Variants in ZNF804B observed in about 807,000 individuals in gnomAD.
ZNF804B encodes zinc finger protein 804B, also known as zinc finger 804B.
Under a neutral mutation model 101.4 loss-of-function variants are expected in ZNF804B, and 80 were observed. That is an observed-to-expected ratio of 0.79 (90% CI 0.66 to 0.95). The LOEUF (loss-of-function observed/expected upper bound fraction) is 0.95, where lower values mean the gene tolerates loss of function less well. Among genes scored for constraint, ZNF804B ranks in the 40% least tolerant of loss-of-function variants. The pLI, the probability that ZNF804B is intolerant of heterozygous loss-of-function variation, is 0.00. For synonymous variants in ZNF804B, 622 were observed against 558.8 expected (o/e 1.11, Z -1.59); for missense variants, 1,673 against 1,561.9 (o/e 1.07, Z -1.20).
At chr7:88,884,782 AT>A (rs1268703593) in intron 1 of ZNF804B, among the ~76,000 whole-genome samples, 3 of 151,898 alleles carry the variant, frequency 2.0e-5, no homozygotes, top group African/African-American at 7.2e-5. Flanking sequence ...TATGAGAAAA[AT>A]TTTTATAATG....
Position 88,760,056 on chromosome 7 carries a change from C to T in ZNF804B, c.80C>T (p.Pro27Leu). 6.2e-7 allele frequency: 1 copy of T among 1,614,158 alleles called. No homozygotes were observed. ...YRGIKGVFRG[P>L]LCKNGSPSPD... ...GGCATTAAAGGAGTCTTCAGGGGACCCCTGTGCAAGAACGGATCTCCCTCT... is the reference window on the plus strand; with the variant it reads ...GGCATTAAAGGAGTCTTCAGGGGACTCCTGTGCAAGAACGGATCTCCCTCT... The change falls in exon 1 of 4, where the codon CCC becomes CTC. Residue 27 changes from proline to leucine, a missense_variant. Transcript: ENST00000333190.
At position 89,111,108 on chromosome 7, in the gene ZNF804B, C is replaced by A. The variant is rs1404162793; in HGVS notation, c.109-107047C>A. On this transcript the variant is annotated intron_variant, in intron 1 of 3. Transcript: ENST00000333190. ...AATAATATTCTGTTGGCTGGATACA[C>A]CACAGTTTATCTCCAACCATTGAAG... 2.6e-5 allele frequency among the ~76,000 whole-genome samples: 4 copies of A among 152,090 alleles called. 1 individual carries two copies. Among genetic ancestry groups the A allele is most frequent in the Admixed American group, 6.6e-5 (1 of 15,252 alleles).
At chr7:89,076,486 C>A (rs1250551070) in intron 1 of ZNF804B, among the ~76,000 whole-genome samples, 2 of 152,118 alleles carry the variant, frequency 1.3e-5, no homozygotes, top group East Asian at 3.9e-4. Context: ...AATTGTAAAT[C>A]CATTAAACCT....
chr7:88,962,340 C>T (rs73399376), intron 1 of ZNF804B, among the ~76,000 whole-genome samples: 5,196 of 151,194 alleles, frequency 0.034, 116 homozygotes, highest in African/African-American at 0.059. Flanking sequence ...AGCCAGATGA[C>T]GATATGTAGT....
At chr7:89,031,349 T>C (rs953686357) in intron 1 of ZNF804B, among the ~76,000 whole-genome samples, 1 of 151,810 alleles carries the variant, frequency 6.6e-6, no homozygotes, top group African/African-American at 2.4e-5. Context: ...GCACAATATT[T>C]CATTATGGCA....
intron 1 of ZNF804B, among the ~76,000 whole-genome samples, chr7:88,953,119 A>G (rs1793249961): frequency 6.6e-6 from 1 of 151,568 alleles, no homozygotes; most frequent in Non-Finnish European, 1.5e-5. Flanking sequence ...TATTTCCTTT[A>G]TGTTTGTTCT....
chr7:89,301,222 G>A (rs771687847), intron 2 of ZNF804B, among the ~76,000 whole-genome samples: 72 of 146,210 alleles, frequency 4.9e-4, no homozygotes, highest in Middle Eastern at 3.9e-3. Context: ...ACAGCTTTTC[G>A]TCTTATTTTT....
intron 2 of ZNF804B, among the ~76,000 whole-genome samples, chr7:89,294,837 G>A (rs1039589484): frequency 6.6e-6 from 1 of 151,598 alleles, no homozygotes; most frequent in Non-Finnish European, 1.5e-5. Flanking sequence ...TCTGACATTC[G>A]GTTCTATCTA....
At chr7:88,873,129 C>T (rs1483977869) in intron 1 of ZNF804B, among the ~76,000 whole-genome samples, 1 of 152,080 alleles carries the variant, frequency 6.6e-6, no homozygotes, top group Non-Finnish European at 1.5e-5. Flanking sequence ...TCTCCAGCAC[C>T]TGTTGTTTCC....
intron 1 of ZNF804B, among the ~76,000 whole-genome samples, chr7:88,813,308 T>C (rs901347626): frequency 3.3e-5 from 5 of 151,264 alleles, no homozygotes; most frequent in Admixed American, 1.3e-4. Flanking sequence ...GCGCATGTAG[T>C]CCCAGCTACT....
intron 1 of ZNF804B, among the ~76,000 whole-genome samples, chr7:88,899,488 A>G (rs1433612753): frequency 1.3e-5 from 2 of 152,022 alleles, no homozygotes; most frequent in Admixed American, 6.6e-5. Context: ...CTTCACTGTC[A>G]TATTCTTCAT....
intron 1 of ZNF804B, among the ~76,000 whole-genome samples, chr7:89,107,868 G>T (rs555830966): frequency 6.6e-6 from 1 of 152,178 alleles, no homozygotes; most frequent in South Asian, 2.1e-4. Context: ...ATTTCCTTTG[G>T]GTTCTATGCA....
intron 1 of ZNF804B, among the ~76,000 whole-genome samples, chr7:88,928,367 C>G (rs894075002): frequency 6.6e-6 from 1 of 152,106 alleles, no homozygotes; most frequent in Admixed American, 6.6e-5. Context: ...AGAACAAACT[C>G]TGACTTACAA....
At chr7:89,113,252 T>A (rs528907958) in intron 1 of ZNF804B, among the ~76,000 whole-genome samples, 2 of 152,196 alleles carry the variant, frequency 1.3e-5, no homozygotes, top group Non-Finnish European at 2.9e-5. Context: ...AGCATGAAGA[T>A]AGTTTGTTCA....
chr7:89,324,607 C>CT (rs35905388), intron 2 of ZNF804B, among the ~76,000 whole-genome samples: 11,575 of 109,458 alleles, frequency 0.11, 819 homozygotes, highest in Non-Finnish European at 0.15. Flanking sequence ...TACCTTCTTA[C>CT]TTTTTTTTTT....
intron 1 of ZNF804B, among the ~76,000 whole-genome samples, chr7:89,151,371 A>C (rs1220689852): frequency 6.6e-6 from 1 of 152,014 alleles, no homozygotes; most frequent in Non-Finnish European, 1.5e-5. Flanking sequence ...TCTAGCATTA[A>C]CGTCATCATC....
rs569596822 is a variant in ZNF804B at position 88,818,154 on chromosome 7, C to T, written c.108+58070C>T. On this transcript the variant is annotated intron_variant, in intron 1 of 3. Transcript: ENST00000333190. ...GAACCTATTTTTAAAACAGCAAAAT[C>T]TATAATAAATGAATAAATGTTTTAT... 6.6e-5 allele frequency among the ~76,000 whole-genome samples: 10 copies of T among 152,116 alleles called. No individual in the cohort carries two copies. The East Asian group carries it at 1.9e-3, about 29-fold the overall frequency.
intron 1 of ZNF804B, among the ~76,000 whole-genome samples, chr7:88,852,024 AAG>A: frequency 6.6e-6 from 1 of 152,256 alleles, no homozygotes; most frequent in South Asian, 2.1e-4. Flanking sequence ...TGGTGGTGAA[AAG>A]AGGGCAGGGA....
chr7:89,030,902 G>C (rs1584084155), intron 1 of ZNF804B, among the ~76,000 whole-genome samples: 3 of 151,780 alleles, frequency 2.0e-5, no homozygotes, highest in African/African-American at 7.3e-5. Flanking sequence ...CAGTTTCTTG[G>C]TGATGTTCCT....
Sources: gnomAD v4.1 joint callset for allele counts (sites outside exome capture counted in the v4.1 genomes callset) on GRCh38, gnomAD v4.1.1 for gene constraint, MANE v1.5 for transcripts, NCBI Gene and HGNC (gene_info 2026-07-23, HGNC 2026-07-21) for gene names.